PPIL4: variants seen among roughly 807,000 people sequenced by gnomAD.
PPIL4 encodes peptidyl-prolyl cis-trans isomerase-like 4.
PPIL4 carries 50 observed loss-of-function variants against 69.1 expected under a neutral mutation model. The ratio of observed to expected loss-of-function variants is 0.72; its 90% CI spans 0.58 to 0.92. The LOEUF is 0.92. Among genes scored for constraint, PPIL4 ranks in the 40% least tolerant of loss-of-function variants. PPIL4 has a pLI of 0.00. For synonymous variants in PPIL4, 193 were observed against 191.6 expected (o/e 1.01, Z -0.06); for missense variants, 480 against 587.9 (o/e 0.82, Z 1.90).
chr6:149,542,817 G>A (rs559361541), intron 1 of PPIL4, among the ~76,000 whole-genome samples: 58 of 152,272 alleles, frequency 3.8e-4, no homozygotes, highest in African/African-American at 1.2e-3. Context: ...GCCTGGAAGT[G>A]GAAATTTAAA....
At chr6:149,535,963 T>G (rs1257463820) in intron 4 of PPIL4, among the ~76,000 whole-genome samples, 1 of 152,280 alleles carries the variant, frequency 6.6e-6, no homozygotes, top group Non-Finnish European at 1.5e-5. Context: ...TAAGGATTTC[T>G]GGCAACCGTG....
chr6:149,505,908 T>G (rs1048159386), intron 12 of PPIL4, among the ~76,000 whole-genome samples: 1 of 152,218 alleles, frequency 6.6e-6, no homozygotes, highest in African/African-American at 2.4e-5. Context: ...CATTGATTTG[T>G]ATCTACTATT....
At chr6:149,526,801 T>C (rs1583208643) in intron 7 of PPIL4, 25 bp from the exon 8 acceptor site, 2 of 1,605,968 alleles carry the variant, frequency 1.2e-6, no homozygotes, top group African/African-American at 2.7e-5. Context: ...AACAAAAACA[T>C]AAATCAATTC....
chr6:149,523,704 GAAA>G (rs959923008), intron 9 of PPIL4, among the ~76,000 whole-genome samples: 2 of 116,472 alleles, frequency 1.7e-5, no homozygotes, highest in Non-Finnish European at 3.8e-5. Context: ...AAAATAAAAA[GAAA>G]AAAAAAAAAG....
intron 12 of PPIL4, among the ~76,000 whole-genome samples, chr6:149,510,301 G>A (rs1186586644): frequency 6.6e-6 from 1 of 152,088 alleles, no homozygotes; most frequent in Non-Finnish European, 1.5e-5. Context: ...GTTACCCACA[G>A]AGGGAAGAAG....
chr6:149,511,378 C>T (rs1474956947), intron 12 of PPIL4, among the ~76,000 whole-genome samples: 1 of 151,850 alleles, frequency 6.6e-6, no homozygotes, highest in Non-Finnish European at 1.5e-5. Flanking sequence ...CATAGGTGCA[C>T]ACCACCATGC....
rs766127991 is a variant in PPIL4 at position 149,525,183 on chromosome 6, G to A, written c.830C>T (p.Thr277Ile). Residue 277 changes from threonine (T) to isoleucine (I), a missense_variant, in exon 9 of 13, where the codon ACA (threonine) becomes ATA (isoleucine). Physicochemically the swap from Thr to Ile is moderately conservative, Grantham distance 89 (BLOSUM62 -1). Transcript: ENST00000253329. ...RSCEVIRDWK[T>I]GESLCYAFIE... is the part of the protein sequence containing the mutation. ...AAAAGCGTAACAGAGGGACTCTCCTGTCTTCCAGTCTCGGATAACTTCACA... is the reference window on the plus strand; with the variant it reads ...AAAAGCGTAACAGAGGGACTCTCCTATCTTCCAGTCTCGGATAACTTCACA... 1.5e-5 allele frequency: 24 copies of A among 1,562,732 alleles called. No homozygotes were observed. The highest frequency in any genetic ancestry group is 1.7e-5 in the Non-Finnish European group (20 of 1,143,890).
intron 9 of PPIL4, 83 bp downstream of exon 9, chr6:149,525,060 T>C (rs1239086960): frequency 7.1e-6 from 5 of 701,022 alleles, no homozygotes; most frequent in South Asian, 6.2e-5. Flanking sequence ...CTCTAGAAAC[T>C]AGAAAAAGTT....
intron 12 of PPIL4, among the ~76,000 whole-genome samples, chr6:149,506,892 T>G (rs1014412370): frequency 1.3e-5 from 2 of 152,176 alleles, no homozygotes; most frequent in Non-Finnish European, 2.9e-5. Flanking sequence ...GCCACCTCAC[T>G]CAGCTGATTA....
At chr6:149,535,162 C>T (rs764624980) in intron 5 of PPIL4, among the ~76,000 whole-genome samples, 3 of 152,170 alleles carry the variant, frequency 2.0e-5, no homozygotes, top group Non-Finnish European at 4.4e-5. Flanking sequence ...CGTGACCATC[C>T]TGGCTAACAT....
At chr6:149,520,086 A>G (rs1389291477) in intron 10 of PPIL4, among the ~76,000 whole-genome samples, 1 of 152,196 alleles carries the variant, frequency 6.6e-6, no homozygotes, top group Non-Finnish European at 1.5e-5. Flanking sequence ...AAACCCATTA[A>G]CAGGGCTGGT....
intron 4 of PPIL4, among the ~76,000 whole-genome samples, chr6:149,536,718 C>A (rs1248841080): frequency 4.9e-5 from 7 of 144,206 alleles, no homozygotes; most frequent in Admixed American, 4.4e-4. Flanking sequence ...AGAGGCCAGG[C>A]GCAGTGAATT....
chr6:149,537,422 A>G (rs1267867101), intron 4 of PPIL4, among the ~76,000 whole-genome samples: 1 of 152,192 alleles, frequency 6.6e-6, no homozygotes, highest in African/African-American at 2.4e-5. Flanking sequence ...AATGATGCTA[A>G]ATCGGCCGGG....
At chr6:149,513,497 T>C (rs17087513) in intron 11 of PPIL4, among the ~76,000 whole-genome samples, 9,315 of 137,942 alleles carry the variant, frequency 0.068, 735 homozygotes, top group African/African-American at 0.2. Context: ...AACAACAAAA[T>C]ATCTAGTAAT....
At chr6:149,545,855 G>C in intron 1 of PPIL4, 81 bp downstream of exon 1, 1 of 1,321,278 alleles carries the variant, frequency 7.6e-7, no homozygotes, top group Non-Finnish European at 1.1e-6. Flanking sequence ...GCCAATCTCT[G>C]CCCTGGACTG....
intron 10 of PPIL4, among the ~76,000 whole-genome samples, chr6:149,518,196 A>T (rs139087492): frequency 6.6e-6 from 1 of 152,324 alleles, no homozygotes; most frequent in East Asian, 1.9e-4. Context: ...CCCCTCAGGA[A>T]AATAGGACCT....
intron 1 of PPIL4, among the ~76,000 whole-genome samples, chr6:149,543,192 T>C (rs908723744): frequency 6.6e-6 from 1 of 152,188 alleles, no homozygotes; most frequent in Non-Finnish European, 1.5e-5. Context: ...GTGATGCAGC[T>C]GAAAGTACAC....
At chr6:149,530,076 T>C (rs1360724971) in intron 7 of PPIL4, among the ~76,000 whole-genome samples, 2 of 152,184 alleles carry the variant, frequency 1.3e-5, no homozygotes, top group Admixed American at 6.5e-5. Flanking sequence ...GGTAGATATA[T>C]GCTATCGTAC....
intron 11 of PPIL4, 161 bp downstream of exon 11, chr6:149,517,193 G>T: frequency 1.7e-6 from 1 of 580,086 alleles, no homozygotes. Flanking sequence ...GTAAGATCTT[G>T]AAAAGAGATA....
Sources: allele counts gnomAD v4.1 joint callset (sites outside exome capture counted in the v4.1 genomes callset), GRCh38; gene constraint gnomAD v4.1.1; transcripts MANE v1.5; gene names NCBI Gene and HGNC (gene_info 2026-07-23, HGNC 2026-07-21).